Variants in BDNF observed in about 807,000 individuals in gnomAD.
BDNF encodes brain derived neurotrophic factor.
A neutral mutation model predicts 19.5 loss-of-function variants in BDNF; 1 was observed. The ratio of observed to expected loss-of-function variants is 0.05; its 90% CI spans 0.02 to 0.24. The LOEUF is 0.24. Among genes scored for constraint, BDNF ranks in the 10% least tolerant of loss-of-function variants. The pLI is 1.00. For synonymous variants in BDNF, 100 were observed against 121.6 expected, an observed-to-expected ratio of 0.82 and a Z score of 1.17; for missense variants, 195 against 317.6, an observed-to-expected ratio of 0.61 and a Z score of 2.93.
chr11:27,700,639 G>T (rs984655444), upstream of BDNF: 1 of 991,308 alleles, frequency 1.0e-6, no homozygotes, highest in Non-Finnish European at 1.2e-6. Context: ...ACCGAGGGGC[G>T]CCCGGAACTC....
intron 1 of BDNF, among the ~76,000 whole-genome samples, chr11:27,673,114 A>G (rs542726532): frequency 6.6e-6 from 1 of 152,294 alleles, no homozygotes; most frequent in East Asian, 1.9e-4. Flanking sequence ...ATTTAAAAGT[A>G]CAGTGTAAAC....
intron 1 of BDNF, chr11:27,719,580 G>A (rs1860667204): frequency 1.0e-6 from 1 of 985,006 alleles, no homozygotes; most frequent in South Asian, 4.7e-5. Flanking sequence ...CTTCCCTTGA[G>A]AAAGCGGGAA....
chr11:27,699,770 T>C (rs1859674480), intron 1 of BDNF: 7 of 1,192,380 alleles, frequency 5.9e-6, no homozygotes, highest in Non-Finnish European at 6.5e-6. Context: ...ATTCCTAGCC[T>C]AGCCCCAGCA....
chr11:27,663,678 G>A (rs1171801728), intron 1 of BDNF, among the ~76,000 whole-genome samples: 1 of 152,216 alleles, frequency 6.6e-6, no homozygotes, highest in Non-Finnish European at 1.5e-5. Context: ...TAGGTCACCT[G>A]TCTCCTGAAC....
chr11:27,664,265 A>C (rs975314244), intron 1 of BDNF, among the ~76,000 whole-genome samples: 2 of 152,194 alleles, frequency 1.3e-5, no homozygotes, highest in Non-Finnish European at 1.5e-5. Flanking sequence ...TTTAATTTGC[A>C]TCCAGTTGAC....
At chr11:27,690,592 T>C (rs966981234) in intron 1 of BDNF, among the ~76,000 whole-genome samples, 2 of 152,158 alleles carry the variant, frequency 1.3e-5, no homozygotes, top group African/African-American at 4.8e-5. Flanking sequence ...ATTCCTATAC[T>C]ACACATTTAA....
chr11:27,700,993 C>A (rs1015419676), upstream of BDNF: 1 of 1,361,714 alleles, frequency 7.3e-7, no homozygotes, highest in Non-Finnish European at 9.8e-7. Flanking sequence ...TCCTGCACTA[C>A]GGAGCTTGCG....
At chr11:27,720,566 A>G (rs902689260) in intron 1 of BDNF, 2 of 985,548 alleles carry the variant, frequency 2.0e-6, no homozygotes, top group African/African-American at 3.5e-5. Context: ...CCCCGATCTC[A>G]GTGTGAGCCG....
chr11:27,700,656 C>T, upstream of BDNF: 3 of 1,009,904 alleles, frequency 3.0e-6, no homozygotes, highest in Non-Finnish European at 2.4e-6. Flanking sequence ...ACTCCCCGCT[C>T]CCCCGGGGCC....
At chr11:27,703,680 T>A (rs1463241720), upstream of BDNF, among the ~76,000 whole-genome samples, 2 of 152,306 alleles carry the variant, frequency 1.3e-5, no homozygotes, top group East Asian at 3.9e-4. Flanking sequence ...CGCTTTCCAG[T>A]GTGTGGTGCA....
chr11:27,682,162 A>G (rs1856910261), intron 1 of BDNF, among the ~76,000 whole-genome samples: 1 of 152,044 alleles, frequency 6.6e-6, no homozygotes, highest in African/African-American at 2.4e-5. Context: ...AAATCACAGG[A>G]TATTCAGTTT....
chr11:27,701,586 G>A, upstream of BDNF: 1 of 986,856 alleles, frequency 1.0e-6, no homozygotes, highest in Non-Finnish European at 1.2e-6. Context: ...TTCGCCGGGG[G>A]GAGCGGCAGC....
intron 1 of BDNF, among the ~76,000 whole-genome samples, chr11:27,694,670 C>T (rs1363678110): frequency 6.7e-6 from 1 of 148,160 alleles, no homozygotes; most frequent in Non-Finnish European, 1.5e-5. Flanking sequence ...AATTTTCTTC[C>T]TTTTTCTTGT....
chr11:27,693,378 C>G (rs1204381769), intron 1 of BDNF, among the ~76,000 whole-genome samples: 3 of 152,140 alleles, frequency 2.0e-5, no homozygotes, highest in Non-Finnish European at 2.9e-5. Context: ...CCGCAACTCT[C>G]TATTCTCTCC....
rs2883196 is a variant in BDNF, at chr11:27,662,191, G to T, written c.-21-3606C>A. Among the ~76,000 whole-genome samples the T allele has an allele frequency of 6.2e-3, 951 of 152,260 alleles. 5 individuals are homozygous for T. The highest frequency in any genetic ancestry group is 0.014 in the Middle Eastern group (4 of 294). On this transcript the variant is annotated intron_variant, in intron 1 of 1. Coordinates refer to ENST00000356660, the MANE Select transcript of BDNF (RefSeq NM_001709.5). ...AATTTTTGTATTTTTAGTAGAGACAGGGTTTCACCATGTTGGCCGAGCTGG... is the reference window on the plus strand; with the variant it reads ...AATTTTTGTATTTTTAGTAGAGACATGGTTTCACCATGTTGGCCGAGCTGG...
chr11:27,719,418 C>A, intron 1 of BDNF: 5 of 981,240 alleles, frequency 5.1e-6, no homozygotes, highest in South Asian at 9.4e-5. Flanking sequence ...GGCCCCCTCG[C>A]CCGGCCCGCT....
In BDNF at chr11:27,700,158, G is replaced by T. The variant is rs41274438; in HGVS notation, c.-22+6C>A. On this transcript the variant is annotated splice_donor_region_variant and intron_variant, in intron 1 of 1. Transcript: ENST00000356660. The stretch of plus-strand genomic sequence containing the variant: ...GCACCAAGCCCCATTCCCAGCGCTT[G>T]CCTACCTCGGGGTCCACACAAACCT... The T allele has an allele frequency of 1.0e-6, 1 of 985,872 alleles. No individual in the cohort carries two copies. The highest frequency in any genetic ancestry group is 1.7e-5 in the African/African-American group (1 of 57,372). 61.1% of individuals were successfully genotyped at this position (985,872 alleles called of 1,614,324 possible). A position where few individuals can be genotyped will look rare whatever the true frequency, so the allele number is the denominator to read the frequency against.
intron 1 of BDNF, chr11:27,698,218 A>G: frequency 1.0e-5 from 1 of 99,998 alleles, no homozygotes; most frequent in South Asian, 4.7e-4. Flanking sequence ...ACCCAGAGGT[A>G]AATTTCCCAA....
At chr11:27,665,179 A>C in intron 1 of BDNF, 1 of 152,192 alleles carries the variant, frequency 6.6e-6, no homozygotes. Flanking sequence ...TGTTATTGAA[A>C]CCATATAATA....
Sources: gnomAD v4.1 joint callset for allele counts (sites outside exome capture counted in the v4.1 genomes callset) on GRCh38, gnomAD v4.1.1 for gene constraint, MANE v1.5 for transcripts, NCBI Gene and HGNC (gene_info 2026-07-23, HGNC 2026-07-21) for gene names.